Variants in AGBL1 observed in about 807,000 individuals in gnomAD.
AGBL1 encodes cytosolic carboxypeptidase 4.
In AGBL1, 130 loss-of-function variants were observed where a neutral mutation model predicts 118.9. That is an observed-to-expected ratio of 1.09 (90% CI 0.95 to 1.26). The LOEUF (loss-of-function observed/expected upper bound fraction) is 1.26, where lower values mean the gene tolerates loss of function less well. Among genes scored for constraint, AGBL1 ranks in the 50% most tolerant of loss-of-function variants. The pLI is 0.00. For synonymous variants in AGBL1, 555 were observed against 478.9 expected, an observed-to-expected ratio of 1.16 and a Z score of -2.08; for missense variants, 1,584 against 1,298.1, an observed-to-expected ratio of 1.22 and a Z score of -3.38.
At chr15:86,547,588 C>T (rs1053207392) in intron 20 of AGBL1, among the ~76,000 whole-genome samples, 2 of 152,036 alleles carry the variant, frequency 1.3e-5, no homozygotes, top group Non-Finnish European at 2.9e-5. Flanking sequence ...TTTTGAGGCC[C>T]AGATTAGTGT....
At chr15:86,106,585 G>A (rs868029952) in intron 1 of AGBL1, among the ~76,000 whole-genome samples, 2 of 152,166 alleles carry the variant, frequency 1.3e-5, no homozygotes, top group East Asian at 1.9e-4. Context: ...GACACTTAGC[G>A]TCCTACTCTG....
intron 22 of AGBL1, among the ~76,000 whole-genome samples, chr15:86,861,841 A>G (rs1171257441): frequency 2.0e-5 from 3 of 152,234 alleles, no homozygotes; most frequent in African/African-American, 7.2e-5. Flanking sequence ...TTATCCACAA[A>G]GTCAAACCAA....
chr15:86,319,505 G>C (rs1240411679), intron 17 of AGBL1, among the ~76,000 whole-genome samples: 1 of 151,792 alleles, frequency 6.6e-6, no homozygotes, highest in Non-Finnish European at 1.5e-5. Context: ...TTTTGCTATT[G>C]GTTTGTCTTT....
In AGBL1 at chr15:86,909,134, C is replaced by T. The variant is rs1183720269; in HGVS notation, c.*1840C>T. On this transcript the variant is annotated 3_prime_UTR_variant, in exon 23 of 23. Coordinates refer to ENST00000614907, the MANE Select transcript of AGBL1 (RefSeq NM_001386094.1). ...CCAAAAGCTCTACATAATATTTCTT[C>T]TTAATCCCACCGGCTGAAAAAAATG... The T allele has an allele frequency of 6.6e-6, 1 of 152,174 alleles. No individual in the cohort carries two copies. Among genetic ancestry groups the T allele is most frequent in the East Asian group, 1.9e-4 (1 of 5,196 alleles). 9.4% of individuals were successfully genotyped at this position (152,174 alleles called of 1,614,324 possible). A position where few individuals can be genotyped will look rare whatever the true frequency, so the allele number is the denominator to read the frequency against.
intron 5 of AGBL1, among the ~76,000 whole-genome samples, chr15:86,184,189 C>A (rs534472677): frequency 1.3e-5 from 2 of 152,288 alleles, no homozygotes; most frequent in South Asian, 4.1e-4. Flanking sequence ...ATATTGACTT[C>A]TTAAATTTTG....
intron 18 of AGBL1, among the ~76,000 whole-genome samples, chr15:86,484,280 G>A (rs529607213): frequency 1.3e-5 from 2 of 152,220 alleles, no homozygotes; most frequent in Admixed American, 1.3e-4. Context: ...AATGAAGCAA[G>A]GCAGGTTTTG....
intron 21 of AGBL1, among the ~76,000 whole-genome samples, chr15:86,608,068 T>A (rs532042223): frequency 9.2e-5 from 14 of 152,356 alleles, no homozygotes; most frequent in African/African-American, 3.4e-4. Context: ...TAACACCAAG[T>A]AATGACACAA....
At chr15:86,607,468 A>G (rs954942320) in intron 21 of AGBL1, among the ~76,000 whole-genome samples, 4 of 152,148 alleles carry the variant, frequency 2.6e-5, no homozygotes, top group Non-Finnish European at 5.9e-5. Flanking sequence ...CTATGGTAAG[A>G]GTATGTTTGA....
At chr15:86,396,923 T>C (rs979441385) in intron 17 of AGBL1, among the ~76,000 whole-genome samples, 1 of 152,192 alleles carries the variant, frequency 6.6e-6, no homozygotes, top group African/African-American at 2.4e-5. Flanking sequence ...ATTTCTTTTG[T>C]GATCTTGATA....
chr15:86,779,533 T>A (rs2078302280), intron 22 of AGBL1, among the ~76,000 whole-genome samples: 1 of 152,208 alleles, frequency 6.6e-6, no homozygotes, highest in Admixed American at 6.5e-5. Flanking sequence ...ACCTGTCTTT[T>A]GATGAAAATA....
At chr15:86,726,849 C>G (rs958903126) in intron 22 of AGBL1, among the ~76,000 whole-genome samples, 6 of 152,098 alleles carry the variant, frequency 3.9e-5, no homozygotes, top group Non-Finnish European at 8.8e-5. Flanking sequence ...GCCACTGCAC[C>G]CAGCCAGTAC....
chr15:86,266,491 C>A, intron 12 of AGBL1, 34 bp downstream of exon 12: 1 of 1,461,736 alleles, frequency 6.8e-7, no homozygotes, highest in Non-Finnish European at 9.3e-7. Context: ...GAAGGTGGGG[C>A]ATGGAGAATT....
At chr15:86,423,127 A>G (rs1413715713) in intron 18 of AGBL1, among the ~76,000 whole-genome samples, 1 of 152,224 alleles carries the variant, frequency 6.6e-6, no homozygotes, top group East Asian at 1.9e-4. Context: ...TGGCAGAGAC[A>G]CAACAGAAAA....
chr15:86,154,307 G>A (rs1293749308), intron 3 of AGBL1, 123 bp from the exon 4 acceptor site: 3 of 1,156,488 alleles, frequency 2.6e-6, no homozygotes, highest in African/African-American at 3.1e-5. Flanking sequence ...CACTAGGTCT[G>A]AAAAATGTCT....
chr15:86,786,876 C>T (rs750894795), intron 22 of AGBL1, among the ~76,000 whole-genome samples: 3 of 152,118 alleles, frequency 2.0e-5, no homozygotes, highest in Non-Finnish European at 4.4e-5. Flanking sequence ...TACCCTTGTA[C>T]TACTGTTTTG....
chr15:86,546,420 T>C (rs2083583480), intron 20 of AGBL1, among the ~76,000 whole-genome samples: 3 of 152,254 alleles, frequency 2.0e-5, no homozygotes, highest in African/African-American at 7.2e-5. Flanking sequence ...CTCATCTTAA[T>C]ACCTGGCTTT....
At chr15:86,653,759 G>A (rs1007012202) in intron 21 of AGBL1, among the ~76,000 whole-genome samples, 1 of 152,088 alleles carries the variant, frequency 6.6e-6, no homozygotes, top group African/African-American at 2.4e-5. Flanking sequence ...CATCATGATG[G>A]CTTTCCACTT....
intron 22 of AGBL1, among the ~76,000 whole-genome samples, chr15:86,904,140 A>C (rs981178455): frequency 1.3e-5 from 2 of 152,146 alleles, no homozygotes; most frequent in African/African-American, 4.8e-5. Flanking sequence ...GGCTAGAGGA[A>C]ACAAGCTCTT....
chr15:86,137,497 C>T (rs892420695), intron 1 of AGBL1, among the ~76,000 whole-genome samples: 2 of 152,130 alleles, frequency 1.3e-5, no homozygotes, highest in African/African-American at 4.8e-5. Context: ...GTGGGGGGCT[C>T]CTTAGAGTTG....
Sources: gnomAD v4.1 joint callset for allele counts (sites outside exome capture counted in the v4.1 genomes callset) on GRCh38, gnomAD v4.1.1 for gene constraint, MANE v1.5 for transcripts, NCBI Gene and HGNC (gene_info 2026-07-23, HGNC 2026-07-21) for gene names.